The following TMEM248 variants were observed in gnomAD, a reference collection of about 807,000 sequenced individuals.
TMEM248 encodes the protein UPF0458 protein C7orf42.
Under a neutral mutation model 30.3 loss-of-function variants are expected in TMEM248, and 9 were observed. The observed-to-expected ratio is 0.30, with a 90% CI of 0.18 to 0.52. The LOEUF is 0.52. Ranked by LOEUF, TMEM248 falls within the 20% of genes least tolerant of loss-of-function variation. TMEM248 has a pLI of 0.97. For synonymous variants in TMEM248, 184 were observed against 154.4 expected, an observed-to-expected ratio of 1.19 and a Z score of -1.42; for missense variants, 338 against 403.3, an observed-to-expected ratio of 0.84 and a Z score of 1.39.
rs952095537 is a variant in TMEM248 at position 66,942,030 on chromosome 7, G to T, written c.159+6G>T. ...AATCCCCAGAAATGGCAGAGGTATAGTATGCTCTGACTTCTCCCGGGCTGG... is the reference window on the plus strand; with the variant it reads ...AATCCCCAGAAATGGCAGAGGTATATTATGCTCTGACTTCTCCCGGGCTGG... On this transcript the variant is annotated splice_donor_region_variant and intron_variant, in intron 2 of 6. Coordinates refer to ENST00000341567, the MANE Select transcript of TMEM248 (RefSeq NM_017994.5). 1.2e-6 allele frequency: 2 copies of T among 1,613,382 alleles called. No homozygotes were observed. The highest frequency in any genetic ancestry group is 3.3e-5 in the Admixed American group (2 of 59,952).
At chr7:66,926,241 C>T (rs908266824) in intron 1 of TMEM248, among the ~76,000 whole-genome samples, 3 of 152,136 alleles carry the variant, frequency 2.0e-5, no homozygotes, top group Admixed American at 1.3e-4. Flanking sequence ...AAGCTACTTG[C>T]AAACCATACG....
Position 66,941,999 on chromosome 7 carries a change from A to T in TMEM248, c.134A>T (p.Glu45Val), listed in dbSNP as rs1791974995. ...LTLGYFFKIK[E>V]IKSPEMAEDW... ...CTGGGCTACTTCTTCAAAATCAAGG[A>T]GATTAAATCCCCAGAAATGGCAGAG... Residue 45 changes from glutamate to valine, a missense_variant, in exon 2 of 7, where the codon GAG (glutamate) becomes GTG (valine). Transcript: ENST00000341567. The T allele has an allele frequency of 1.2e-6, 2 of 1,614,022 alleles. No homozygotes were observed. The highest frequency in any genetic ancestry group is 2.7e-5 in the African/African-American group (2 of 74,936).
chr7:66,938,740 T>G (rs1309668790), intron 1 of TMEM248, among the ~76,000 whole-genome samples: 3 of 152,180 alleles, frequency 2.0e-5, no homozygotes, highest in Non-Finnish European at 4.4e-5. Context: ...ACTCCTGACC[T>G]CGTGATCCAC....
intron 6 of TMEM248, among the ~76,000 whole-genome samples, chr7:66,953,939 C>CTTTTTTTT (rs34925648): frequency 2.4e-5 from 2 of 83,994 alleles, no homozygotes; most frequent in African/African-American, 4.9e-5. Flanking sequence ...AGATTACTTT[C>CTTTTTTTT]TTTTTTTTTT....
Position 66,956,645 on chromosome 7 carries a change from A to G in TMEM248, c.*1123A>G, listed in dbSNP as rs555328884. The G allele has an allele frequency of 8.5e-5, 13 of 152,330 alleles. No homozygotes were observed. Among genetic ancestry groups the G allele is most frequent in the African/African-American group, 2.6e-4 (11 of 41,586 alleles). The allele number at this position is 152,330 out of a possible 1,614,324, so 9.4% of individuals were successfully genotyped here. A position where few individuals can be genotyped will look rare whatever the true frequency, so the allele number is the denominator to read the frequency against. On this transcript the variant is annotated 3_prime_UTR_variant, in exon 7 of 7. Transcript: ENST00000341567. ...ATGCAATTCTGATTTGCCATTTATC[A>G]GGGAAAACTGAAAGCATTTTTCTTA... is the stretch of plus-strand genomic sequence containing the variant.
intron 5 of TMEM248, 132 bp from the exon 6 acceptor site, chr7:66,953,094 T>A (rs1440005843): frequency 1.0e-5 from 10 of 993,950 alleles, no homozygotes; most frequent in Non-Finnish European, 1.3e-5. Context: ...AGGAGAAACC[T>A]CCTCTTGCAG....
chr7:66,928,134 G>A (rs1449845442), intron 1 of TMEM248, among the ~76,000 whole-genome samples: 1 of 151,970 alleles, frequency 6.6e-6, no homozygotes, highest in Non-Finnish European at 1.5e-5. Flanking sequence ...AGAATCACTC[G>A]AACCCAGGAA....
rs1792433812 is a variant in TMEM248, at chr7:66,957,612, A to C, written c.*2090A>C. The C allele has an allele frequency of 6.6e-6, 1 of 152,260 alleles. No individual in the cohort carries two copies. The highest frequency in any genetic ancestry group is 6.5e-5 in the Admixed American group (1 of 15,278). The allele number at this position is 152,260 out of a possible 1,614,324, so 9.4% of individuals were successfully genotyped here. ...TAGATTAAGCTGCTATTGAATTAAT[A>C]AAATCCCAATGAAGCAGAGTTATAG... On this transcript the variant is annotated 3_prime_UTR_variant, in exon 7 of 7. Coordinates refer to ENST00000341567, the MANE Select transcript of TMEM248 (RefSeq NM_017994.5).
rs868071023 is a variant in TMEM248 at position 66,945,403 on chromosome 7, T to A, written c.445+142T>A. ...TTTTTTTTGTTGAGTTTGAACTACA[T>A]GAACCATTTCTGTTCCATCGTTACA... On this transcript the variant is annotated intron_variant, in intron 3 of 6. Transcript: ENST00000341567. 107 of 897,830 alleles carry A rather than the reference T, an allele frequency of 1.2e-4. No homozygotes were observed. In the Middle Eastern group the frequency reaches 2.4e-3, roughly 20 times the overall value. The allele number at this position is 897,830 out of a possible 1,614,324, so 55.6% of individuals were successfully genotyped here. A position where few individuals can be genotyped will look rare whatever the true frequency, so the allele number is the denominator to read the frequency against.
chr7:66,934,711 A>G (rs912930100), intron 1 of TMEM248, among the ~76,000 whole-genome samples: 21 of 152,186 alleles, frequency 1.4e-4, no homozygotes, highest in African/African-American at 5.1e-4. Flanking sequence ...AATGTTTCAT[A>G]ATTGTAGTTC....
In TMEM248 at chr7:66,936,963, GT is replaced by G. The variant is rs371397396; in HGVS notation, c.-18-4882del. Among the ~76,000 whole-genome samples the G allele has an allele frequency of 7.8e-3, 1,190 of 152,036 alleles. 8 individuals carry two copies. Among genetic ancestry groups the G allele is most frequent in the Middle Eastern group, 0.014 (4 of 294 alleles). Reference sequence around the variant, plus strand: ...TCTTTATTATTTCTTCTAATTTTGTGTTTGGTTTGCTCTTGTTTTTCTAATT... The same window carrying G: ...TCTTTATTATTTCTTCTAATTTTGTGTTGGTTTGCTCTTGTTTTTCTAATT... On this transcript the variant is annotated intron_variant, in intron 1 of 6. Transcript: ENST00000341567.
chr7:66,947,487 CTG>C (rs1349660551), intron 3 of TMEM248, among the ~76,000 whole-genome samples: 4 of 152,054 alleles, frequency 2.6e-5, no homozygotes, highest in Non-Finnish European at 5.9e-5. Flanking sequence ...ACTGCAACCT[CTG>C]TCTCCCGGGT....
Position 66,941,872 on chromosome 7 carries a change from A to G in TMEM248, c.7A>G (p.Ser3Gly), listed in dbSNP as rs550777848. The G allele has an allele frequency of 1.9e-6, 3 of 1,613,562 alleles. No homozygotes were observed. The highest frequency in any genetic ancestry group is 2.2e-5 in the East Asian group (1 of 44,874). The change falls in exon 2 of 7, where the codon AGC becomes GGC. Residue 3 changes from serine (S) to glycine (G), a missense_variant. Coordinates refer to ENST00000341567, the MANE Select transcript of TMEM248 (RefSeq NM_017994.5). The part of the protein sequence containing the change: MF[S>G]INPLENLKVY... ...GGTGGAGCTGATCAGAATAATGTTC[A>G]GCATCAACCCCCTGGAGAACCTGAA...
In TMEM248 at chr7:66,935,312, A is replaced by C. The variant is rs373583846; in HGVS notation, c.-18-6536A>C. Among the ~76,000 whole-genome samples, 7 of 151,736 alleles carry C rather than the reference A, an allele frequency of 4.6e-5. No homozygotes were observed. In the East Asian group the frequency reaches 1.2e-3, roughly 26 times the overall value. ...GCTCTCCTGCCTCAGCCTCCCAAGT[A>C]GCTGGGATTACAGGTGCTTGCCATC... On this transcript the variant is annotated intron_variant, in intron 1 of 6. Coordinates refer to ENST00000341567, the MANE Select transcript of TMEM248 (RefSeq NM_017994.5).
chr7:66,933,080 G>T, intron 1 of TMEM248, among the ~76,000 whole-genome samples: 1 of 151,980 alleles, frequency 6.6e-6, no homozygotes, highest in East Asian at 1.9e-4. Flanking sequence ...GGCTGGTCTC[G>T]AACTCCTGAC....
At chr7:66,936,485 T>C (rs1248965126) in intron 1 of TMEM248, among the ~76,000 whole-genome samples, 2 of 152,222 alleles carry the variant, frequency 1.3e-5, no homozygotes, top group Non-Finnish European at 2.9e-5. Flanking sequence ...TTTACAACAA[T>C]CTTCATCAGG....
intron 3 of TMEM248, among the ~76,000 whole-genome samples, chr7:66,945,650 A>G (rs183426778): frequency 2.4e-4 from 36 of 152,326 alleles, no homozygotes; most frequent in Admixed American, 1.3e-3. Flanking sequence ...GCTGGGAAGA[A>G]CTAGAAAATG....
chr7:66,931,717 A>G (rs1791670861), intron 1 of TMEM248, among the ~76,000 whole-genome samples: 1 of 150,186 alleles, frequency 6.7e-6, no homozygotes, highest in Non-Finnish European at 1.5e-5. Context: ...GCCTCAAGCA[A>G]TCCTTCCATC....
chr7:66,948,779 C>T, intron 4 of TMEM248, 85 bp downstream of exon 4: 1 of 1,432,940 alleles, frequency 7.0e-7, no homozygotes. Flanking sequence ...TGTAAATTCT[C>T]AGGATGGCTC....
Sources: allele counts gnomAD v4.1 joint callset (sites outside exome capture counted in the v4.1 genomes callset), GRCh38; gene constraint gnomAD v4.1.1; transcripts MANE v1.5; gene names NCBI Gene and HGNC (gene_info 2026-07-23, HGNC 2026-07-21).